TRMU: variants seen among roughly 807,000 people sequenced by gnomAD.
TRMU encodes the protein mitochondrial tRNA-specific 2-thiouridylase 1.
In TRMU, 49 loss-of-function variants were observed where a neutral mutation model predicts 46.9. That is an observed-to-expected ratio of 1.05 (90% CI 0.83 to 1.33). The LOEUF is 1.33. Ranked by LOEUF, TRMU falls within the 40% of genes most tolerant of loss-of-function variation. The pLI is 0.00. For missense variants in TRMU, 572 were observed against 532.4 expected (o/e 1.07, Z -0.73); for synonymous variants, 241 against 200.9 (o/e 1.20, Z -1.69).
At chr22:46,344,419 T>C (rs6008765) in intron 3 of TRMU, among the ~76,000 whole-genome samples, 8,755 of 152,298 alleles carry the variant, frequency 0.057, 843 homozygotes, top group African/African-American at 0.2. Context: ...TCAGGGTATC[T>C]GGAAATATGT....
rs1265358551 is a variant in TRMU at position 46,349,060 on chromosome 22, A to G, written c.479-1231A>G. 6.6e-6 allele frequency among the ~76,000 whole-genome samples: 1 copy of G among 150,702 alleles called. No individual in the cohort carries two copies. Among genetic ancestry groups the G allele is most frequent in the East Asian group, 2.0e-4 (1 of 5,110 alleles). On this transcript the variant is annotated intron_variant, in intron 4 of 10. Coordinates refer to ENST00000645190, the MANE Select transcript of TRMU (RefSeq NM_018006.5). The surrounding 1 kb of genome is among the most constrained non-coding windows in gnomAD (Gnocchi z 4.6). ...AGGCTGAGACAGGAGAATCACTTGAACCCAGGAGGCGGAGATTGCCGTGAG... is the reference window on the plus strand; with the variant it reads ...AGGCTGAGACAGGAGAATCACTTGAGCCCAGGAGGCGGAGATTGCCGTGAG...
At position 46,350,974 on chromosome 22, in the gene TRMU, G is replaced by A. The variant is rs953458570; in HGVS notation, c.651+511G>A. Among the ~76,000 whole-genome samples the A allele has an allele frequency of 5.3e-5, 8 of 152,244 alleles. No individual in the cohort carries two copies. Among genetic ancestry groups the A allele is most frequent in the Admixed American group, 4.6e-4 (7 of 15,292 alleles). On this transcript the variant is annotated intron_variant, in intron 5 of 10. Coordinates refer to ENST00000645190, the MANE Select transcript of TRMU (RefSeq NM_018006.5). This position sits in a 1 kb window ranked among gnomAD's most constrained non-coding sequence, Gnocchi z 4.6. ...CCTCCATGGAGCCCGCCCGCGAGTG[G>A]GGGACACAGGCAGGAGGCCAATCAG...
intron 2 of TRMU, among the ~76,000 whole-genome samples, chr22:46,341,033 C>T (rs2078109596): frequency 1.3e-5 from 2 of 152,336 alleles, no homozygotes; most frequent in South Asian, 4.2e-4. Flanking sequence ...CATTCAAGAC[C>T]CACTGGCCTT....
chr22:46,336,230 C>A lies in TRMU; in HGVS notation c.82+384C>A. 1.0e-6 allele frequency: 1 copy of A among 972,540 alleles called. No homozygotes were observed. The highest frequency in any genetic ancestry group is 1.3e-6 in the Non-Finnish European group (1 of 780,242). 60.2% of individuals were successfully genotyped at this position (972,540 alleles called of 1,614,324 possible). A position where few individuals can be genotyped will look rare whatever the true frequency, so the allele number is the denominator to read the frequency against. ...GGAGCTGGGATCGCCGGGCCGGGGG[C>A]CTGACCTCTGCACACGCTGTGGCCG... On this transcript the variant is annotated intron_variant, in intron 1 of 10. Transcript: ENST00000645190. This position sits in a 1 kb window ranked among gnomAD's most constrained non-coding sequence, Gnocchi z 4.1.
chr22:46,353,004 CT>C (rs1478597660), intron 7 of TRMU: 2 of 165,894 alleles, frequency 1.2e-5, no homozygotes, highest in Non-Finnish European at 2.7e-5. Context: ...CAGGCTGCAG[CT>C]CAGGTGTAGG....
intron 2 of TRMU, among the ~76,000 whole-genome samples, chr22:46,341,572 T>G (rs1408630660): frequency 6.7e-6 from 1 of 149,164 alleles, no homozygotes; most frequent in Non-Finnish European, 1.5e-5. Context: ...TCAGCACTGG[T>G]TTTTTTTTTA....
chr22:46,356,725 G>C, intron 10 of TRMU, 117 bp from the exon 11 acceptor site: 1 of 1,259,878 alleles, frequency 7.9e-7, no homozygotes, highest in South Asian at 1.3e-5. Context: ...GCTCCCCTGG[G>C]AGCTCAGTGC....
In TRMU at chr22:46,342,212, G is replaced by T. The variant is rs542386310; in HGVS notation, c.249-1050G>T. 6.6e-6 allele frequency among the ~76,000 whole-genome samples: 1 copy of T among 152,336 alleles called. No individual in the cohort carries two copies. Among genetic ancestry groups the T allele is most frequent in the Admixed American group, 6.5e-5 (1 of 15,312 alleles). On this transcript the variant is annotated intron_variant, in intron 2 of 10. Coordinates refer to ENST00000645190, the MANE Select transcript of TRMU (RefSeq NM_018006.5). This position sits in a 1 kb window ranked among gnomAD's most constrained non-coding sequence, Gnocchi z 4.7. Reference sequence around the variant, plus strand: ...TTATGACCAACTGGCTTCCAGTTGGGATTCCCATAACTTCCTCTTTGGGTT... The same window carrying T: ...TTATGACCAACTGGCTTCCAGTTGGTATTCCCATAACTTCCTCTTTGGGTT...
At position 46,348,859 on chromosome 22, in the gene TRMU, G is replaced by A. The variant is rs1013189223; in HGVS notation, c.479-1432G>A. ...GATTGAAAGTGGACTCTGAGGCCAG[G>A]TGCGGTGGCTCATGCCTGTAATCAC... On this transcript the variant is annotated intron_variant, in intron 4 of 10. Transcript: ENST00000645190. This position sits in a 1 kb window ranked among gnomAD's most constrained non-coding sequence, Gnocchi z 4.8. Among the ~76,000 whole-genome samples the A allele has an allele frequency of 3.3e-5, 5 of 152,170 alleles. No homozygotes were observed. Among genetic ancestry groups the A allele is most frequent in the African/African-American group, 7.2e-5 (3 of 41,424 alleles).
rs1184283111 is a variant in TRMU at position 46,347,509 on chromosome 22, T to C, written c.478+965T>C. On this transcript the variant is annotated intron_variant, in intron 4 of 10. Transcript: ENST00000645190. This position sits in a 1 kb window ranked among gnomAD's most constrained non-coding sequence, Gnocchi z 5.0. The stretch of plus-strand genomic sequence containing the variant: ...CTGGGACCACAGGTGTGCGCCACTA[T>C]GCTCGGCTTTTTCATTTTTTGTAGA... 1 of 151,910 alleles carries C rather than the reference T, an allele frequency of 6.6e-6. No homozygotes were observed. Among genetic ancestry groups the C allele is most frequent in the Non-Finnish European group, 1.5e-5 (1 of 67,984 alleles). The allele number at this position is 151,910 out of a possible 1,614,324, so 9.4% of individuals were successfully genotyped here.
intron 7 of TRMU, 83 bp from the exon 8 acceptor site, chr22:46,353,684 C>G: frequency 7.5e-7 from 1 of 1,334,324 alleles, no homozygotes. Context: ...GGGCTGCCCT[C>G]CCAGCATCTG....
At chr22:46,356,591 C>G in intron 10 of TRMU, 1 of 556,928 alleles carries the variant, frequency 1.8e-6, no homozygotes, top group Non-Finnish European at 3.2e-6. Flanking sequence ...CTTGGAGTCC[C>G]AGGAGAGGCC....
Position 46,338,393 on chromosome 22 carries a change from A to G in TRMU, c.248+449A>G, listed in dbSNP as rs2078035516. Among the ~76,000 whole-genome samples, 1 of 152,232 alleles carries G rather than the reference A, an allele frequency of 6.6e-6. No homozygotes were observed. The highest frequency in any genetic ancestry group is 2.1e-4 in the South Asian group (1 of 4,838). On this transcript the variant is annotated intron_variant, in intron 2 of 10. Transcript: ENST00000645190. The surrounding 1 kb of genome is among the most constrained non-coding windows in gnomAD (Gnocchi z 4.5). ...CTTTTCTAAAATCCAATATAATCTC[A>G]ATAATTAAGTGCTGTGTGCTAGGCG...
At position 46,350,822 on chromosome 22, in the gene TRMU, C is replaced by T. The variant is rs1361866255; in HGVS notation, c.651+359C>T. Among the ~76,000 whole-genome samples, 1 of 152,182 alleles carries T rather than the reference C, an allele frequency of 6.6e-6. No homozygotes were observed. The highest frequency in any genetic ancestry group is 1.9e-4 in the East Asian group (1 of 5,200). On this transcript the variant is annotated intron_variant, in intron 5 of 10. Transcript: ENST00000645190. This position sits in a 1 kb window ranked among gnomAD's most constrained non-coding sequence, Gnocchi z 4.6. Reference sequence around the variant, plus strand: ...GACCCCTGGAGGGGCAGGTGCTGTGCCGCCGTCTGCACACTCATGTGCCCT... The same window carrying T: ...GACCCCTGGAGGGGCAGGTGCTGTGTCGCCGTCTGCACACTCATGTGCCCT...
Position 46,350,621 on chromosome 22 carries a change from C to T in TRMU, c.651+158C>T, listed in dbSNP as rs150522065. On this transcript the variant is annotated intron_variant, in intron 5 of 10. Coordinates refer to ENST00000645190, the MANE Select transcript of TRMU (RefSeq NM_018006.5). This position sits in a 1 kb window ranked among gnomAD's most constrained non-coding sequence, Gnocchi z 4.6. Reference sequence around the variant, plus strand: ...CAATAGATGGAGGAGTTTGCTGAGGCGCACGGTACAGGGCTCTGCTGACAT... The same window carrying T: ...CAATAGATGGAGGAGTTTGCTGAGGTGCACGGTACAGGGCTCTGCTGACAT... 9.8e-5 allele frequency among the ~76,000 whole-genome samples: 15 copies of T among 152,324 alleles called. No individual in the cohort carries two copies. In the East Asian group the frequency reaches 1.7e-3, roughly 18 times the overall value.
chr22:46,355,028 G>A (rs2078554135), intron 8 of TRMU: 3 of 262,932 alleles, frequency 1.1e-5, no homozygotes, highest in Non-Finnish European at 2.2e-5. Flanking sequence ...AGGAATTCCT[G>A]GGGTGGCCTT....
chr22:46,349,852 A>C lies in TRMU; in HGVS notation c.479-439A>C, dbSNP rs1484068678. Among the ~76,000 whole-genome samples, 2 of 152,230 alleles carry C rather than the reference A, an allele frequency of 1.3e-5. No individual in the cohort carries two copies. The highest frequency in any genetic ancestry group is 1.5e-5 in the Non-Finnish European group (1 of 68,038). On this transcript the variant is annotated intron_variant, in intron 4 of 10. Coordinates refer to ENST00000645190, the MANE Select transcript of TRMU (RefSeq NM_018006.5). This position sits in a 1 kb window ranked among gnomAD's most constrained non-coding sequence, Gnocchi z 4.6. ...GAACCTGGAAAGTGTAGAGTCCTTG[A>C]AACCACTGTGGCACGAACACATCCT...
In TRMU at chr22:46,351,809, C is replaced by A. The variant is rs911441966; in HGVS notation, c.652-312C>A. 2 of 467,204 alleles carry A rather than the reference C, an allele frequency of 4.3e-6. No individual in the cohort carries two copies. Among genetic ancestry groups the A allele is most frequent in the East Asian group, 4.3e-5 (1 of 23,196 alleles). 28.9% of individuals were successfully genotyped at this position (467,204 alleles called of 1,614,324 possible). ...CCTTCTCTGGTCCCTGTCTCTCCCC[C>A]ACTCCTCGCAGGACAGTGGCCTGAA... On this transcript the variant is annotated intron_variant, in intron 5 of 10. Coordinates refer to ENST00000645190, the MANE Select transcript of TRMU (RefSeq NM_018006.5). The surrounding 1 kb of genome is among the most constrained non-coding windows in gnomAD (Gnocchi z 6.4).
rs1601972349 is a variant in TRMU, at chr22:46,351,045, T to C, written c.651+582T>C. Reference sequence around the variant, plus strand: ...ACGGAGGGAGGTGTAGGACCCTGGGTGGGAAGCACCAGTGGGGTCTGAGAG... The same window carrying C: ...ACGGAGGGAGGTGTAGGACCCTGGGCGGGAAGCACCAGTGGGGTCTGAGAG... On this transcript the variant is annotated intron_variant, in intron 5 of 10. Coordinates refer to ENST00000645190, the MANE Select transcript of TRMU (RefSeq NM_018006.5). The surrounding 1 kb of genome is among the most constrained non-coding windows in gnomAD (Gnocchi z 6.4). 1.3e-5 allele frequency among the ~76,000 whole-genome samples: 2 copies of C among 151,808 alleles called. No individual in the cohort carries two copies. The highest frequency in any genetic ancestry group is 2.4e-5 in the African/African-American group (1 of 41,314).
Sources: gnomAD v4.1 joint callset for allele counts (sites outside exome capture counted in the v4.1 genomes callset) on GRCh38, gnomAD v4.1.1 for gene constraint, Gnocchi (gnomAD v3.1) non-coding constraint, MANE v1.5 for transcripts, NCBI Gene and HGNC (gene_info 2026-07-23, HGNC 2026-07-21) for gene names.